The following RICTOR variants were observed in gnomAD, a reference collection of about 807,000 sequenced individuals.
RICTOR encodes the protein RPTOR independent companion of MTOR complex 2.
In RICTOR, 49 loss-of-function variants were observed where a neutral mutation model predicts 214.9. The observed-to-expected ratio is 0.23, with a 90% confidence interval of 0.18 to 0.29. The LOEUF (loss-of-function observed/expected upper bound fraction) is 0.29. RICTOR is among the 10% of genes least tolerant of loss of function. The probability of loss-of-function intolerance (pLI) is 1.00; values close to 1 mark genes in which losing one functional copy is unlikely to be tolerated. For synonymous variants in RICTOR, 717 were observed against 711.3 expected (o/e 1.01, Z -0.13); for missense variants, 1,625 against 2,047.0 (o/e 0.79, Z 3.98).
At chr5:39,030,990 C>T (rs147572291) in intron 2 of RICTOR, among the ~76,000 whole-genome samples, 382 of 152,204 alleles carry the variant, frequency 2.5e-3, no homozygotes, top group African/African-American at 7.9e-3. Flanking sequence ...ATGCATATAA[C>T]GGCTATCAGG....
rs1455080817 is a variant in RICTOR at position 38,957,814 on chromosome 5, A to C, written c.2421-84T>G. The C allele has an allele frequency of 1.4e-5, 10 of 727,848 alleles. No individual in the cohort carries two copies. In the East Asian group the frequency reaches 2.7e-4, roughly 20 times the overall value. The allele number at this position is 727,848 out of a possible 1,614,324, so 45.1% of individuals were successfully genotyped here. A position where few individuals can be genotyped will look rare whatever the true frequency, so the allele number is the denominator to read the frequency against. ...AGCTAAAATAACTAAAATTTAAAAA[A>C]GTATAAGGAGCTAAAAGACTTTAGG... On this transcript the variant is annotated intron_variant, in intron 24 of 37. Transcript: ENST00000357387.
At chr5:39,021,159 T>C (rs1281082252) in intron 2 of RICTOR, 23 bp from the exon 3 acceptor site, 6 of 1,231,634 alleles carry the variant, frequency 4.9e-6, no homozygotes, top group Non-Finnish European at 7.2e-6. Context: ...ACAAGACAAT[T>C]TAACACAATT....
chr5:38,999,708 C>A (rs1163071149), intron 5 of RICTOR, among the ~76,000 whole-genome samples: 1 of 151,834 alleles, frequency 6.6e-6, no homozygotes, highest in African/African-American at 2.4e-5. Context: ...TATTAGGAAG[C>A]TAGTAATGAG....
chr5:39,071,325 C>T (rs1759307358), intron 2 of RICTOR, among the ~76,000 whole-genome samples: 1 of 151,766 alleles, frequency 6.6e-6, no homozygotes, highest in African/African-American at 2.4e-5. Flanking sequence ...AGACTATACC[C>T]AATTAGTATA....
At chr5:39,031,632 T>C (rs573123618) in intron 2 of RICTOR, among the ~76,000 whole-genome samples, 2 of 152,262 alleles carry the variant, frequency 1.3e-5, no homozygotes, top group South Asian at 4.1e-4. Context: ...TTCCTGAAAA[T>C]TTCAAAGAGA....
intron 6 of RICTOR, among the ~76,000 whole-genome samples, chr5:38,994,419 TAAAAAAAAAAAAAAAAAAAAAAAAA>T (rs869254811): frequency 3.5e-5 from 2 of 57,144 alleles, no homozygotes; most frequent in African/African-American, 7.0e-5. Context: ...AAGGTTTTAC[TAAAAAAAAAAAAAAAAAAAAAAAAA>T]AAAAAAAAGT....
Position 38,959,919 on chromosome 5 carries a change from T to G in RICTOR, c.1911A>C (p.Ser637=), listed in dbSNP as rs1432510097. The G allele has an allele frequency of 1.9e-6, 3 of 1,613,504 alleles. No individual in the cohort carries two copies. Among genetic ancestry groups the G allele is most frequent in the East Asian group, 2.2e-5 (1 of 44,822 alleles). The change falls in exon 21 of 38, where the codon TCA becomes TCC. Residue 637 remains serine (S), a synonymous_variant. Transcript: ENST00000357387. ...GACTTCTTTCGGGTTTCATTCCAGA[T>G]GAAGCATTGAGCCACTGAACAATAT... ...VKDIVQWLNA[S]SGMKPERSLQ...
chr5:38,946,927 T>C (rs1561439355), intron 32 of RICTOR, among the ~76,000 whole-genome samples: 2 of 152,012 alleles, frequency 1.3e-5, no homozygotes, highest in Non-Finnish European at 2.9e-5. Context: ...GGAATGAGGA[T>C]TTAAAAATGA....
chr5:38,963,599 C>T (rs956779090), intron 16 of RICTOR, among the ~76,000 whole-genome samples: 1 of 151,882 alleles, frequency 6.6e-6, no homozygotes, highest in Admixed American at 6.6e-5. Context: ...CAAGTCTCAC[C>T]TTCAGAATTT....
intron 2 of RICTOR, among the ~76,000 whole-genome samples, chr5:39,044,704 A>C (rs1201772019): frequency 6.6e-6 from 1 of 152,202 alleles, no homozygotes; most frequent in African/African-American, 2.4e-5. Context: ...CATTCACCCA[A>C]ATTTGTCAAA....
At chr5:39,069,837 G>A (rs74367173) in intron 2 of RICTOR, among the ~76,000 whole-genome samples, 2,792 of 152,198 alleles carry the variant, frequency 0.018, 32 homozygotes, top group Middle Eastern at 0.031. Flanking sequence ...CTTCCACTAT[G>A]TCCACCATTA....
chr5:38,977,758 T>A (rs1751364922), intron 9 of RICTOR, among the ~76,000 whole-genome samples: 1 of 151,944 alleles, frequency 6.6e-6, no homozygotes, highest in Non-Finnish European at 1.5e-5. Flanking sequence ...TAATTTTTTT[T>A]GTATTTTTAG....
intron 6 of RICTOR, among the ~76,000 whole-genome samples, chr5:38,995,558 T>C (rs1015178565): frequency 6.6e-6 from 1 of 152,008 alleles, no homozygotes; most frequent in African/African-American, 2.4e-5. Flanking sequence ...CCAAAAATTA[T>C]TGAAAAAATA....
intron 6 of RICTOR, among the ~76,000 whole-genome samples, chr5:38,994,370 G>T (rs551326746): frequency 7.6e-6 from 1 of 131,872 alleles, no homozygotes; most frequent in Admixed American, 8.9e-5. Context: ...GGTCCCAAGC[G>T]TTTTGGATAA....
intron 2 of RICTOR, among the ~76,000 whole-genome samples, chr5:39,057,804 C>T (rs917547669): frequency 1.3e-5 from 2 of 152,092 alleles, no homozygotes; most frequent in African/African-American, 4.8e-5. Context: ...TCCCAACTCA[C>T]TGTTTTCCAC....
intron 6 of RICTOR, among the ~76,000 whole-genome samples, chr5:38,992,948 G>A (rs1181809428): frequency 6.6e-6 from 1 of 152,194 alleles, no homozygotes; most frequent in African/African-American, 2.4e-5. Context: ...TACCTAAGGG[G>A]AATATCTAAT....
chr5:38,966,200 T>C (rs1293454612), intron 15 of RICTOR, among the ~76,000 whole-genome samples: 1 of 152,258 alleles, frequency 6.6e-6, no homozygotes, highest in Non-Finnish European at 1.5e-5. Flanking sequence ...CAAGACTACA[T>C]TTAAAGCTTC....
chr5:38,960,274 G>T, intron 20 of RICTOR, 124 bp downstream of exon 20: 1 of 968,500 alleles, frequency 1.0e-6, no homozygotes, highest in Non-Finnish European at 1.6e-6. Context: ...CATTTCTTAT[G>T]TTTCCAAATA....
chr5:39,043,884 T>C (rs545253914), intron 2 of RICTOR, among the ~76,000 whole-genome samples: 144 of 152,340 alleles, frequency 9.5e-4, no homozygotes, highest in Middle Eastern at 3.4e-3. Context: ...ACCCTGGGAC[T>C]CTTCAATGAC....
Sources: gnomAD v4.1 joint callset for allele counts (sites outside exome capture counted in the v4.1 genomes callset) on GRCh38, gnomAD v4.1.1 for gene constraint, MANE v1.5 for transcripts, NCBI Gene and HGNC (gene_info 2026-07-23, HGNC 2026-07-21) for gene names.